Variants in ELOVL5 observed in about 807,000 individuals in gnomAD.
ELOVL5 encodes the protein very long chain fatty acid elongase 5.
Under a neutral mutation model 38.6 loss-of-function variants are expected in ELOVL5, and 8 were observed. The ratio of observed to expected loss-of-function variants is 0.21; its 90% CI spans 0.12 to 0.37. The LOEUF (loss-of-function observed/expected upper bound fraction) is 0.37. ELOVL5 is among the 10% of genes least tolerant of loss of function. The pLI is 1.00. For missense variants in ELOVL5, 280 were observed against 367.8 expected, an observed-to-expected ratio of 0.76 and a Z score of 1.95; for synonymous variants, 127 against 133.7, an observed-to-expected ratio of 0.95 and a Z score of 0.34.
intron 3 of ELOVL5, among the ~76,000 whole-genome samples, chr6:53,283,167 G>A (rs6458912): frequency 0.59 from 89,322 of 152,094 alleles, 28,644 homozygotes; most frequent in African/African-American, 0.87. Flanking sequence ...ACACAGGTAG[G>A]AAAGTGGTAT....
At chr6:53,335,332 CCT>C (rs2127592912) in intron 1 of ELOVL5, among the ~76,000 whole-genome samples, 1 of 152,348 alleles carries the variant, frequency 6.6e-6, no homozygotes, top group East Asian at 1.9e-4. Flanking sequence ...TGATCAGAAC[CCT>C]GTCTCCCTCT....
At chr6:53,334,868 T>G (rs1323237576) in intron 1 of ELOVL5, among the ~76,000 whole-genome samples, 1 of 152,156 alleles carries the variant, frequency 6.6e-6, no homozygotes, top group African/African-American at 2.4e-5. Flanking sequence ...ACACCAGGAT[T>G]CAGGTCCTGT....
intron 1 of ELOVL5, among the ~76,000 whole-genome samples, chr6:53,325,493 T>C (rs11961376): frequency 0.14 from 20,617 of 152,176 alleles, 1,623 homozygotes; most frequent in African/African-American, 0.21. Flanking sequence ...CTGGATGCAG[T>C]GAGCCTGAGA....
At chr6:53,323,870 G>A (rs992078851) in intron 1 of ELOVL5, among the ~76,000 whole-genome samples, 6 of 151,986 alleles carry the variant, frequency 3.9e-5, no homozygotes, top group African/African-American at 1.4e-4. Context: ...CACCGCACCC[G>A]GCCCAATATT....
At chr6:53,299,670 C>T (rs1767167598) in intron 1 of ELOVL5, among the ~76,000 whole-genome samples, 1 of 152,202 alleles carries the variant, frequency 6.6e-6, no homozygotes, top group African/African-American at 2.4e-5. Flanking sequence ...AATCCTGTTA[C>T]AAGCCATCTG....
chr6:53,312,621 G>A (rs968615163), intron 1 of ELOVL5, among the ~76,000 whole-genome samples: 1 of 152,186 alleles, frequency 6.6e-6, no homozygotes, highest in Admixed American at 6.5e-5. Flanking sequence ...TTGTGATATT[G>A]TGCTGCAGTC....
At chr6:53,300,972 T>A (rs961758978) in intron 1 of ELOVL5, among the ~76,000 whole-genome samples, 4 of 152,058 alleles carry the variant, frequency 2.6e-5, no homozygotes, top group African/African-American at 9.7e-5. Context: ...ACATGAACAG[T>A]ACAAAGGTCT....
intron 1 of ELOVL5, among the ~76,000 whole-genome samples, chr6:53,296,188 T>TA (rs1203115808): frequency 4.0e-5 from 6 of 150,912 alleles, no homozygotes; most frequent in South Asian, 4.2e-4. Context: ...ATATCTACAG[T>TA]AAAAAAAAAT....
chr6:53,316,603 G>A (rs1339909621), intron 1 of ELOVL5, among the ~76,000 whole-genome samples: 1 of 151,964 alleles, frequency 6.6e-6, no homozygotes, highest in Non-Finnish European at 1.5e-5. Context: ...TTAAAAAAAC[G>A]ACTGCAAGAG....
intron 1 of ELOVL5, among the ~76,000 whole-genome samples, chr6:53,299,372 CAA>C (rs1383207197): frequency 1.3e-5 from 2 of 152,066 alleles, no homozygotes; most frequent in African/African-American, 4.8e-5. Flanking sequence ...AAGCTGGAAA[CAA>C]GAGTGAAGAA....
intron 1 of ELOVL5, among the ~76,000 whole-genome samples, chr6:53,315,748 C>A (rs1047333665): frequency 6.6e-6 from 1 of 152,132 alleles, no homozygotes; most frequent in African/African-American, 2.4e-5. Flanking sequence ...TTTACAGGGT[C>A]GCCCAAATCC....
intron 3 of ELOVL5, among the ~76,000 whole-genome samples, chr6:53,281,706 G>A (rs1173858486): frequency 2.6e-5 from 4 of 152,074 alleles, no homozygotes; most frequent in South Asian, 2.1e-4. Flanking sequence ...GCCAATTTTC[G>A]CAGTGCTATT....
chr6:53,280,489 A>G (rs1766309913), intron 3 of ELOVL5, among the ~76,000 whole-genome samples: 1 of 152,274 alleles, frequency 6.6e-6, no homozygotes, highest in Admixed American at 6.5e-5. Context: ...TCTTTTCTCC[A>G]TATGAGATAA....
intron 1 of ELOVL5, among the ~76,000 whole-genome samples, chr6:53,316,368 C>G (rs1249322250): frequency 6.6e-6 from 1 of 151,942 alleles, no homozygotes; most frequent in East Asian, 1.9e-4. Context: ...ACAGAGCAGT[C>G]AATTCTGTAT....
rs529800065 is a variant in ELOVL5 at position 53,298,097 on chromosome 6, T to C, written c.-8-2390A>G. Among the ~76,000 whole-genome samples the C allele has an allele frequency of 2.6e-5, 4 of 152,350 alleles. No individual in the cohort carries two copies. In the South Asian group the frequency reaches 8.3e-4, roughly 32 times the overall value. ...AAAATCATCTAGAAAATCCAAGTTT[T>C]GAAAGACAACCATCATGATTTTGTG... On this transcript the variant is annotated intron_variant, in intron 1 of 7. Transcript: ENST00000304434.
At chr6:53,316,661 T>C (rs1231635283) in intron 1 of ELOVL5, among the ~76,000 whole-genome samples, 1 of 147,940 alleles carries the variant, frequency 6.8e-6, no homozygotes, top group Non-Finnish European at 1.5e-5. Context: ...GGAGAGGGAA[T>C]GCAGGGGTCA....
At chr6:53,343,159 T>G (rs1429489710) in intron 1 of ELOVL5, among the ~76,000 whole-genome samples, 1 of 152,182 alleles carries the variant, frequency 6.6e-6, no homozygotes, top group Non-Finnish European at 1.5e-5. Context: ...CTGCTGCTGC[T>G]GCAATCTCCA....
In ELOVL5 at chr6:53,271,566, C is replaced by A. The variant is rs371159756; in HGVS notation, c.622-839G>T. ...TCCAGCTCAACCCCTGCCCCTCCCC[C>A]CAAAAAAAGGGCTAGGCTCTGCACA... is the stretch of plus-strand genomic sequence containing the variant. On this transcript the variant is annotated intron_variant, in intron 6 of 7. Coordinates refer to ENST00000304434, the MANE Select transcript of ELOVL5 (RefSeq NM_021814.5). Among the ~76,000 whole-genome samples the A allele has an allele frequency of 6.6e-5, 10 of 151,314 alleles. 1 individual carries two copies. Among genetic ancestry groups the A allele is most frequent in the South Asian group, 6.3e-4 (3 of 4,774 alleles).
rs564326061 is a variant in ELOVL5 at position 53,295,881 on chromosome 6, T to G, written c.-8-174A>C. Among the ~76,000 whole-genome samples the G allele has an allele frequency of 1.3e-4, 20 of 152,330 alleles. No homozygotes were observed. In the South Asian group the frequency reaches 3.1e-3, roughly 24 times the overall value. On this transcript the variant is annotated intron_variant, in intron 1 of 7. Transcript: ENST00000304434. ...AAGTGACTTCTGTGCTAGATCTAAC[T>G]TGAAGATCAAAAGGAAAGACACAAT...
Sources: gnomAD v4.1 joint callset for allele counts (sites outside exome capture counted in the v4.1 genomes callset) on GRCh38, gnomAD v4.1.1 for gene constraint, MANE v1.5 for transcripts, NCBI Gene and HGNC (gene_info 2026-07-23, HGNC 2026-07-21) for gene names.